HDAC9: variants seen among roughly 807,000 people sequenced by gnomAD.
The protein encoded by HDAC9 is histone deacetylase 9, also known as MEF-2 interacting transcription repressor (MITR) protein.
A neutral mutation model predicts 139.4 loss-of-function variants in HDAC9; 41 were observed. The ratio of observed to expected loss-of-function variants is 0.29; its 90% confidence interval spans 0.23 to 0.38. The LOEUF (loss-of-function observed/expected upper bound fraction) is 0.38. Ranked by LOEUF, HDAC9 falls within the 10% of genes least tolerant of loss-of-function variation. The pLI, the probability that HDAC9 is intolerant of heterozygous loss-of-function variation, is 1.00. For synonymous variants in HDAC9, 517 were observed against 476.2 expected (o/e 1.09, Z -1.12); for missense variants, 1,147 against 1,297.0 (o/e 0.88, Z 1.78).
At chr7:18,322,503 C>G (rs563768382) in intron 1 of HDAC9, among the ~76,000 whole-genome samples, 1 of 152,172 alleles carries the variant, frequency 6.6e-6, no homozygotes, top group Non-Finnish European at 1.5e-5. Flanking sequence ...GGGAACGTAT[C>G]ATTTTGATAT....
chr7:18,243,494 C>G (rs139915350), intron 2 of HDAC9, among the ~76,000 whole-genome samples: 1 of 152,340 alleles, frequency 6.6e-6, no homozygotes, highest in Non-Finnish European at 1.5e-5. Context: ...AGCCTCTGGA[C>G]AAATGTCATA....
intron 22 of HDAC9, among the ~76,000 whole-genome samples, chr7:18,910,312 AT>A (rs1802631690): frequency 1.3e-5 from 2 of 151,920 alleles, no homozygotes; most frequent in Admixed American, 1.3e-4. Flanking sequence ...TTTTGAAGCT[AT>A]TGCCCATTGG....
intron 25 of HDAC9, among the ~76,000 whole-genome samples, chr7:18,983,729 T>C (rs534026220): frequency 6.6e-6 from 1 of 152,294 alleles, no homozygotes; most frequent in South Asian, 2.1e-4. Flanking sequence ...CAGTTCCAAT[T>C]GCATCATAGC....
At chr7:18,980,670 C>A (rs775482434) in intron 25 of HDAC9, among the ~76,000 whole-genome samples, 1 of 84,884 alleles carries the variant, frequency 1.2e-5, no homozygotes, top group Non-Finnish European at 2.4e-5. Context: ...TCTTGTTCTT[C>A]TTGTTCTTGT....
intron 1 of HDAC9, among the ~76,000 whole-genome samples, chr7:18,317,605 A>C (rs988362959): frequency 2.0e-5 from 3 of 152,186 alleles, no homozygotes; most frequent in African/African-American, 7.2e-5. Context: ...AACTGGCTCC[A>C]GTTGTTACTG....
At chr7:18,352,427 A>C (rs1323156261) in intron 1 of HDAC9, among the ~76,000 whole-genome samples, 1 of 152,186 alleles carries the variant, frequency 6.6e-6, no homozygotes, top group African/African-American at 2.4e-5. Flanking sequence ...CTAAAATTGC[A>C]ATGAAGATTA....
intron 25 of HDAC9, among the ~76,000 whole-genome samples, chr7:18,977,682 G>T (rs185949559): frequency 2.2e-4 from 34 of 152,232 alleles, no homozygotes; most frequent in Middle Eastern, 3.4e-3. Flanking sequence ...GTTCTGATGT[G>T]CAGGAAAGCA....
chr7:18,365,984 A>G (rs1784150595), intron 1 of HDAC9, among the ~76,000 whole-genome samples: 1 of 150,376 alleles, frequency 6.6e-6, no homozygotes, highest in Non-Finnish European at 1.5e-5. Context: ...CTTCTCTATT[A>G]AAAATTGTTT....
chr7:18,227,861 A>G (rs1167262385), intron 2 of HDAC9, among the ~76,000 whole-genome samples: 2 of 152,248 alleles, frequency 1.3e-5, no homozygotes, highest in South Asian at 2.1e-4. Flanking sequence ...GTTAGTGCCT[A>G]TCGGATGAAT....
chr7:18,731,293 T>C (rs1786022236), intron 13 of HDAC9, among the ~76,000 whole-genome samples: 1 of 152,154 alleles, frequency 6.6e-6, no homozygotes, highest in East Asian at 1.9e-4. Flanking sequence ...TCTCAATAGC[T>C]GTTCCACTAA....
chr7:18,089,459 A>G (rs1782010378), intron 1 of HDAC9, among the ~76,000 whole-genome samples: 1 of 152,026 alleles, frequency 6.6e-6, no homozygotes, highest in Admixed American at 6.5e-5. Flanking sequence ...GAGTTGTTTT[A>G]TGAAGTTATT....
chr7:18,337,292 T>G (rs1015429859), intron 1 of HDAC9, among the ~76,000 whole-genome samples: 3 of 151,648 alleles, frequency 2.0e-5, no homozygotes, highest in Non-Finnish European at 4.4e-5. Context: ...TCTACTGAAA[T>G]TGGATAAAGA....
intron 2 of HDAC9, among the ~76,000 whole-genome samples, chr7:18,529,390 TC>T (rs1808092013): frequency 6.6e-6 from 1 of 152,194 alleles, no homozygotes; most frequent in Admixed American, 6.5e-5. Context: ...GGAGGTATTG[TC>T]CCAGAATAAG....
intron 1 of HDAC9, among the ~76,000 whole-genome samples, chr7:18,325,133 A>C (rs955632289): frequency 1.3e-5 from 2 of 152,280 alleles, no homozygotes; most frequent in East Asian, 3.9e-4. Context: ...ACTAGAAGTT[A>C]ATAAAAAAAG....
intron 22 of HDAC9, among the ~76,000 whole-genome samples, chr7:18,919,355 A>G (rs774756759): frequency 3.9e-5 from 6 of 152,062 alleles, no homozygotes; most frequent in African/African-American, 7.2e-5. Flanking sequence ...AGTTTCCTTT[A>G]GGACTATATT....
intron 2 of HDAC9, among the ~76,000 whole-genome samples, chr7:18,534,953 C>T (rs1000639062): frequency 1.2e-4 from 19 of 152,272 alleles, no homozygotes; most frequent in Admixed American, 4.6e-4. Context: ...CCAGTCCCTG[C>T]GCTTTTGACC....
At chr7:18,853,976 A>G (rs573870507) in intron 21 of HDAC9, among the ~76,000 whole-genome samples, 4 of 152,168 alleles carry the variant, frequency 2.6e-5, no homozygotes, top group Non-Finnish European at 5.9e-5. Context: ...GTAAAAGTGG[A>G]ATTAGCCAAG....
At chr7:18,418,982 C>T (rs1037469106) in intron 1 of HDAC9, among the ~76,000 whole-genome samples, 2 of 152,120 alleles carry the variant, frequency 1.3e-5, no homozygotes, top group African/African-American at 4.8e-5. Flanking sequence ...TGAGCATCTG[C>T]CCTGTACAAC....
At chr7:18,594,243 T>A (rs1343262816) in intron 6 of HDAC9, among the ~76,000 whole-genome samples, 2 of 152,088 alleles carry the variant, frequency 1.3e-5, no homozygotes, top group African/African-American at 4.8e-5. Flanking sequence ...CTTTTTCAGT[T>A]TAAAAGTTTA....
Sources: gnomAD v4.1 joint callset for allele counts (sites outside exome capture counted in the v4.1 genomes callset) on GRCh38, gnomAD v4.1.1 for gene constraint, MANE v1.5 for transcripts, NCBI Gene and HGNC (gene_info 2026-07-23, HGNC 2026-07-21) for gene names.